The following HDAC7 variants were observed in gnomAD, a reference collection of about 807,000 sequenced individuals.
HDAC7 encodes the protein histone deacetylase 7A.
HDAC7 carries 26 observed loss-of-function variants against 115.5 expected under a neutral mutation model. The ratio of observed to expected loss-of-function variants is 0.23; its 90% confidence interval spans 0.16 to 0.31. HDAC7 has a LOEUF of 0.31. Among genes scored for constraint, HDAC7 ranks in the 10% least tolerant of loss-of-function variants. HDAC7 has a pLI of 1.00. For missense variants in HDAC7, 1,068 were observed against 1,329.0 expected, an observed-to-expected ratio of 0.80 and a Z score of 3.05; for synonymous variants, 564 against 550.9, an observed-to-expected ratio of 1.02 and a Z score of -0.33.
intron 2 of HDAC7, among the ~76,000 whole-genome samples, chr12:47,801,604 G>C (rs1944167640): frequency 6.6e-6 from 1 of 152,206 alleles, no homozygotes; most frequent in South Asian, 2.1e-4. Context: ...TAGGCATCAG[G>C]CTGTATATCT....
chr12:47,788,561 C>G (rs1943300534), intron 19 of HDAC7: 1 of 156,204 alleles, frequency 6.4e-6, no homozygotes, highest in Admixed American at 6.4e-5. Context: ...AGCTCGGTTA[C>G]AGAGGGGCAG....
intron 1 of HDAC7, among the ~76,000 whole-genome samples, chr12:47,814,633 A>T (rs1944800542): frequency 6.6e-6 from 1 of 152,134 alleles, no homozygotes; most frequent in African/African-American, 2.4e-5. Context: ...CCCTCTGCCA[A>T]CCTTTGGGGC....
chr12:47,811,741 C>T (rs75543887), intron 1 of HDAC7, among the ~76,000 whole-genome samples: 2,073 of 152,294 alleles, frequency 0.014, 26 homozygotes, highest in Non-Finnish European at 0.022. Context: ...GAGCATTAGT[C>T]CACAGGGTTT....
chr12:47,807,221 T>G (rs1444936239), intron 1 of HDAC7, among the ~76,000 whole-genome samples: 1 of 152,206 alleles, frequency 6.6e-6, no homozygotes, highest in Non-Finnish European at 1.5e-5. Flanking sequence ...ATTACAGGCG[T>G]GAGCCACCGT....
Position 47,795,626 on chromosome 12 carries a change from G to T in HDAC7, c.1048C>A (p.Leu350Ile). 6.4e-7 allele frequency: 1 copy of T among 1,560,174 alleles called. No homozygotes were observed. Residue 350 changes from leucine (L) to isoleucine (I), a missense_variant, in exon 10 of 26, where the codon CTC (leucine) becomes ATC (isoleucine). Leu to Ile is a conservative substitution (Grantham distance 5). Around this residue, in one of 6 missense-constraint regions of HDAC7, gnomAD observed 618 missense variants for 701.5 expected, o/e 0.88. Coordinates refer to ENST00000080059, the MANE Select transcript of HDAC7 (RefSeq NM_015401.5). This position sits in a 1 kb window ranked among gnomAD's most constrained non-coding sequence, Gnocchi z 4.3. ...GCATGAGAGCCTGAGGGGTCCAGGA[G>T]GAGAATGGGCTGCAGGCGAGAGGGC... ...TLPSRLQPIL[L>I]LDPSGSHAPL...
rs1337000792 is a variant in HDAC7 at position 47,794,939 on chromosome 12, G to A, written c.1285-6C>T. ...TCACTCGGCTTGGCTGACCTCTGGGGAGGGGAGAACCTGGCTGAGAAGCCA... is the reference window on the plus strand; with the variant it reads ...TCACTCGGCTTGGCTGACCTCTGGGAAGGGGAGAACCTGGCTGAGAAGCCA... On this transcript the variant is annotated splice_polypyrimidine_tract_variant and splice_region_variant and intron_variant, in intron 11 of 25. Coordinates refer to ENST00000080059, the MANE Select transcript of HDAC7 (RefSeq NM_015401.5). 3.1e-6 allele frequency: 5 copies of A among 1,609,090 alleles called. 1 individual carries two copies. The highest frequency in any genetic ancestry group is 3.4e-5 in the Admixed American group (2 of 59,570).
rs143027609 is a variant in HDAC7, at chr12:47,818,361, T to C, written c.19+1406A>G. Reference sequence around the variant, plus strand: ...ATAGGTCCAAGACCTGGTTCCAGTCTAGGTTCACTGGGCTGGGTACCACTC... The same window carrying C: ...ATAGGTCCAAGACCTGGTTCCAGTCCAGGTTCACTGGGCTGGGTACCACTC... On this transcript the variant is annotated intron_variant, in intron 1 of 25. Transcript: ENST00000080059. Among the ~76,000 whole-genome samples, 78 of 152,322 alleles carry C rather than the reference T, an allele frequency of 5.1e-4. 1 individual carries two copies. The highest frequency in any genetic ancestry group is 1.8e-3 in the African/African-American group (75 of 41,578).
At chr12:47,799,313 C>T (rs1944050658) in intron 2 of HDAC7, among the ~76,000 whole-genome samples, 2 of 152,136 alleles carry the variant, frequency 1.3e-5, no homozygotes, top group South Asian at 4.1e-4. Context: ...GGCTGCAGAT[C>T]CTATGGTAGG....
chr12:47,785,586 A>G, intron 23 of HDAC7, 115 bp from the exon 24 acceptor site: 1 of 1,366,102 alleles, frequency 7.3e-7, no homozygotes, highest in Middle Eastern at 1.9e-4. Flanking sequence ...AGGCCAGGAG[A>G]TGCTGCCTGG....
At position 47,791,381 on chromosome 12, in the gene HDAC7, A is replaced by G. The variant is rs1036416720; in HGVS notation, c.1934-73T>C. 1.4e-5 allele frequency: 21 copies of G among 1,464,484 alleles called. No individual in the cohort carries two copies. The African/African-American group carries it at 2.7e-4, about 19-fold the overall frequency. 90.7% of individuals were successfully genotyped at this position (1,464,484 alleles called of 1,614,324 possible). A position where few individuals can be genotyped will look rare whatever the true frequency, so the allele number is the denominator to read the frequency against. On this transcript the variant is annotated intron_variant, in intron 15 of 25. Coordinates refer to ENST00000080059, the MANE Select transcript of HDAC7 (RefSeq NM_015401.5). ...TGGCCCAACAGGGAGCAGGGAGCCC[A>G]GAGAGCAGGGCCGGGTGAGTATTGG...
chr12:47,791,744 C>T (rs2136941749), intron 14 of HDAC7, 38 bp from the exon 15 acceptor site: 1 of 1,607,152 alleles, frequency 6.2e-7, no homozygotes, highest in Non-Finnish European at 8.5e-7. Context: ...CTCATGCTCG[C>T]CCCTTCCCTC....
intron 21 of HDAC7, 84 bp from the exon 22 acceptor site, chr12:47,786,787 G>T: frequency 9.7e-7 from 1 of 1,033,122 alleles, no homozygotes; most frequent in Non-Finnish European, 1.5e-6. Flanking sequence ...GGGGCACCCT[G>T]TTCTTAGGAC....
intron 1 of HDAC7, among the ~76,000 whole-genome samples, chr12:47,806,823 A>G (rs565414466): frequency 4.1e-4 from 62 of 152,080 alleles, no homozygotes; most frequent in Non-Finnish European, 6.5e-4. Context: ...TGCCTCCTGT[A>G]CTTGTCTGCA....
Position 47,793,772 on chromosome 12 carries a change from CT to C in HDAC7, c.1459-185del, listed in dbSNP as rs1314763728. On this transcript the variant is annotated intron_variant, in intron 12 of 25. Transcript: ENST00000080059. This position sits in a 1 kb window ranked among gnomAD's most constrained non-coding sequence, Gnocchi z 4.5. ...TAAGCCCCCTGTCCCCTGCAGCCCC[CT>C]GACAGGTTTGCACCCCAGACTGACC... is the stretch of plus-strand genomic sequence containing the variant. 6.6e-6 allele frequency among the ~76,000 whole-genome samples: 1 copy of C among 152,180 alleles called. No homozygotes were observed. The highest frequency in any genetic ancestry group is 2.4e-5 in the African/African-American group (1 of 41,448).
Position 47,795,665 on chromosome 12 carries a change from C to T in HDAC7, c.1009G>A (p.Ala337Thr), listed in dbSNP as rs1943780972. 3.9e-6 allele frequency: 6 copies of T among 1,552,566 alleles called. No homozygotes were observed. The highest frequency in any genetic ancestry group is 2.6e-6 in the Non-Finnish European group (3 of 1,147,820). Reference protein sequence around the residue: ...LFLPHGLEPEAGGTLPSRLQP... With the variant: ...LFLPHGLEPETGGTLPSRLQP... ...AGGCGAGAGGGCAAGGTGCCCCCAG[C>T]CTCGGGCTCCAAGCCATGGGGCAGG... The change falls in exon 10 of 26, where the codon GCT becomes ACT. Residue 337 changes from alanine to threonine, a missense_variant. Around this residue, in one of 6 missense-constraint regions of HDAC7, gnomAD observed 618 missense variants for 701.5 expected, o/e 0.88. Transcript: ENST00000080059. The surrounding 1 kb of genome is among the most constrained non-coding windows in gnomAD (Gnocchi z 4.3).
In HDAC7 at chr12:47,794,864, C is replaced by G; in HGVS notation, c.1354G>C (p.Gly452Arg). ...IPSAEDLETD[G>R]GGPGQVVDDG... ...TCCACCACCTGGCCCGGTCCCCCGCCATCTGTCTCCAGGTCTTCAGCCGAG... is the reference window on the plus strand; with the variant it reads ...TCCACCACCTGGCCCGGTCCCCCGCGATCTGTCTCCAGGTCTTCAGCCGAG... The change falls in exon 12 of 26, where the codon GGC becomes CGC. Residue 452 changes from glycine (G) to arginine (R), a missense_variant. Transcript: ENST00000080059. 6.2e-7 allele frequency: 1 copy of G among 1,613,468 alleles called. No individual in the cohort carries two copies. The highest frequency in any genetic ancestry group is 8.5e-7 in the Non-Finnish European group (1 of 1,179,996).
At position 47,793,094 on chromosome 12, in the gene HDAC7, G is replaced by A; in HGVS notation, c.1678+275C>T. 1 of 453,474 alleles carries A rather than the reference G, an allele frequency of 2.2e-6. No homozygotes were observed. Among genetic ancestry groups the A allele is most frequent in the Non-Finnish European group, 3.9e-6 (1 of 257,144 alleles). 28.1% of individuals were successfully genotyped at this position (453,474 alleles called of 1,614,324 possible). The stretch of plus-strand genomic sequence containing the variant: ...GTAATAAATATCATTTTTTAAAAGG[G>A]CTGAGTGCATTGGCAGGAGACTGGA... On this transcript the variant is annotated intron_variant, in intron 13 of 25. Transcript: ENST00000080059. This position sits in a 1 kb window ranked among gnomAD's most constrained non-coding sequence, Gnocchi z 4.5.
Position 47,793,520 on chromosome 12 carries a change from C to A in HDAC7, c.1527G>T (p.Leu509=), listed in dbSNP as rs1333516211. The change falls in exon 13 of 26, where the codon CTG becomes CTT. Residue 509 remains leucine (L), a synonymous_variant. Coordinates refer to ENST00000080059, the MANE Select transcript of HDAC7 (RefSeq NM_015401.5). This position sits in a 1 kb window ranked among gnomAD's most constrained non-coding sequence, Gnocchi z 4.5. ...LPRGSTGDTV[L]LPLAQGGHRP... is the part of the protein sequence containing the mutation. The stretch of plus-strand genomic sequence containing the variant: ...GGTGCCCACCCTGGGCCAGAGGAAG[C>A]AGCACAGTGTCCCCGGTGCTGCCCC... 9 of 1,548,650 alleles carry A rather than the reference C, an allele frequency of 5.8e-6. No homozygotes were observed. The highest frequency in any genetic ancestry group is 7.8e-6 in the Non-Finnish European group (9 of 1,147,006).
chr12:47,820,071 G>T (rs1944981311), upstream of HDAC7: 1 of 151,590 alleles, frequency 6.6e-6, no homozygotes. This position sits in a 1 kb window ranked among gnomAD's most constrained non-coding sequence, Gnocchi z 4.3. Flanking sequence ...TGCACCGCGC[G>T]GCGCACAGGC....
Sources: gnomAD v4.1 joint callset for allele counts (sites outside exome capture counted in the v4.1 genomes callset) on GRCh38, gnomAD v4.1.1 for gene constraint, gnomAD v4.1.1 regional missense constraint, Gnocchi (gnomAD v3.1) non-coding constraint, MANE v1.5 for transcripts, NCBI Gene and HGNC (gene_info 2026-07-23, HGNC 2026-07-21) for gene names.